OVCH1: variants seen among roughly 807,000 people sequenced by gnomAD.
OVCH1 encodes ovochymase-1.
OVCH1 carries 139 observed loss-of-function variants against 138.4 expected under a neutral mutation model. That is an observed-to-expected ratio of 1.00 (90% confidence interval 0.87 to 1.16). The LOEUF (loss-of-function observed/expected upper bound fraction) is 1.16, where lower values mean the gene tolerates loss of function less well. Among genes scored for constraint, OVCH1 ranks in the 50% most tolerant of loss-of-function variants. OVCH1 has a pLI of 0.00. For missense variants in OVCH1, 1,367 were observed against 1,357.9 expected (o/e 1.01, Z -0.11); for synonymous variants, 453 against 467.8 (o/e 0.97, Z 0.41).
intron 6 of OVCH1, among the ~76,000 whole-genome samples, chr12:29,489,113 T>C (rs1943204125): frequency 3.3e-5 from 5 of 152,226 alleles, no homozygotes; most frequent in Admixed American, 3.3e-4. Flanking sequence ...GGTCTCCTTG[T>C]CCTCTCTAAA....
At chr12:29,487,367 T>C in intron 7 of OVCH1, 1 of 198,460 alleles carries the variant, frequency 5.0e-6, no homozygotes, top group Non-Finnish European at 1.0e-5. Context: ...ATTTTTGGTA[T>C]TCTTAAGTAG....
Position 29,445,271 on chromosome 12 carries a change from A to T in OVCH1, c.2881+7T>A. On this transcript the variant is annotated splice_region_variant and intron_variant, in intron 23 of 27. Coordinates refer to ENST00000318184, the Ensembl canonical transcript of OVCH1. ...CCTTTACAAGTTTATAAAATAACCA[A>T]ACATACCTAGGACTTTCAAGACAAT... The T allele has an allele frequency of 3.1e-6, 5 of 1,603,930 alleles. No individual in the cohort carries two copies. The highest frequency in any genetic ancestry group is 4.3e-6 in the Non-Finnish European group (5 of 1,174,842).
downstream of OVCH1, chr12:29,425,858 T>C (rs1055748717): frequency 2.6e-5 from 4 of 152,188 alleles, no homozygotes; most frequent in Non-Finnish European, 5.9e-5. Flanking sequence ...AAAAGAATTA[T>C]GATCCTTCTG....
chr12:29,461,485 A>G (rs932225095), intron 19 of OVCH1, among the ~76,000 whole-genome samples: 8 of 152,244 alleles, frequency 5.3e-5, no homozygotes, highest in African/African-American at 1.7e-4. Flanking sequence ...CTTTTAAGTC[A>G]TAAGTAGGAC....
intron 8 of OVCH1, among the ~76,000 whole-genome samples, chr12:29,482,659 A>C (rs897848099): frequency 6.6e-6 from 1 of 152,214 alleles, no homozygotes; most frequent in African/African-American, 2.4e-5. Flanking sequence ...TTAACCCACT[A>C]TGAATGTGGC....
the OVCH1 span, among the ~76,000 whole-genome samples, chr12:29,402,832 A>G: frequency 6.6e-6 from 1 of 152,064 alleles, no homozygotes; most frequent in South Asian, 2.1e-4. Context: ...GAAGAGAGAG[A>G]AAAGAGGTTG....
chr12:29,463,206 T>A (rs552214835), intron 18 of OVCH1, among the ~76,000 whole-genome samples: 1 of 152,118 alleles, frequency 6.6e-6, no homozygotes. Context: ...CTGCATAAAA[T>A]CATGCCAACT....
At chr12:29,497,635 G>A in exon 1 of OVCH1, 1 of 1,613,924 alleles carries the variant, frequency 6.2e-7, no homozygotes. Flanking sequence ...AGGCTTCTGG[G>A]GTGGCCGATG....
intron 27 of OVCH1, among the ~76,000 whole-genome samples, chr12:29,429,074 G>A (rs1044064219): frequency 6.6e-6 from 1 of 152,126 alleles, no homozygotes; most frequent in Non-Finnish European, 1.5e-5. Context: ...CCACTCATCG[G>A]TAAAGATTAT....
chr12:29,463,120 G>A (rs1942194993), intron 18 of OVCH1, among the ~76,000 whole-genome samples: 1 of 152,186 alleles, frequency 6.6e-6, no homozygotes, highest in Non-Finnish European at 1.5e-5. Flanking sequence ...TATGCTTCTA[G>A]CCTTGGGGAG....
At chr12:29,434,273 C>G (rs1021315033) in intron 26 of OVCH1, among the ~76,000 whole-genome samples, 2 of 152,094 alleles carry the variant, frequency 1.3e-5, no homozygotes, top group African/African-American at 4.8e-5. Context: ...AAATTTCTGA[C>G]TGTATTGTCG....
chr12:29,415,468 C>A (rs73276822), intron 3 of OVCH1, among the ~76,000 whole-genome samples: 18,209 of 152,164 alleles, frequency 0.12, 1,372 homozygotes, highest in African/African-American at 0.22. Flanking sequence ...TAAAATACCA[C>A]TGCTAGGTTC....
intron 26 of OVCH1, among the ~76,000 whole-genome samples, chr12:29,438,582 AT>A (rs1328472437): frequency 6.6e-6 from 1 of 152,080 alleles, no homozygotes; most frequent in Non-Finnish European, 1.5e-5. Context: ...ATCTATGCAA[AT>A]CTTTGTGTGT....
At chr12:29,457,759 C>G (rs1463916766) in intron 19 of OVCH1, among the ~76,000 whole-genome samples, 4 of 151,896 alleles carry the variant, frequency 2.6e-5, no homozygotes. Context: ...GCCAGACATA[C>G]CGAGTAAGAC....
chr12:29,453,756 A>G (rs1420076526), intron 21 of OVCH1, among the ~76,000 whole-genome samples: 3 of 151,984 alleles, frequency 2.0e-5, no homozygotes, highest in African/African-American at 4.8e-5. Flanking sequence ...ATACTTGGGG[A>G]TACTCCACTT....
At chr12:29,427,422 A>G, downstream of OVCH1, 2 of 1,077,348 alleles carry the variant, frequency 1.9e-6, no homozygotes, top group Non-Finnish European at 2.6e-6. Context: ...CCTAGAAGAA[A>G]AGGTTAAGGA....
chr12:29,445,291 G>T, exon 23 of OVCH1: 1 of 1,610,262 alleles, frequency 6.2e-7, no homozygotes, highest in Non-Finnish European at 8.5e-7. Flanking sequence ...GGACTTTCAA[G>T]ACAATATAGC....
In OVCH1 at chr12:29,479,430, T is replaced by TAA. The variant is rs541151921; in HGVS notation, c.996-524_996-523dup. ...AAAATGTCATCTCTCTAACTCCCAGTAAGGTCAGCTGTGACTTTTTGCTAA... is the reference window on the plus strand; with the variant it reads ...AAAATGTCATCTCTCTAACTCCCAGTAAAAGGTCAGCTGTGACTTTTTGCTAA... On this transcript the variant is annotated intron_variant, in intron 8 of 27. Transcript: ENST00000318184. 1.7e-3 allele frequency among the ~76,000 whole-genome samples: 264 copies of TAA among 152,334 alleles called. 1 individual carries two copies. Among genetic ancestry groups the TAA allele is most frequent in the Middle Eastern group, 6.8e-3 (2 of 294 alleles).
At chr12:29,489,549 T>C (rs1943216147) in intron 6 of OVCH1, 71 bp downstream of exon 6, 2 of 1,455,902 alleles carry the variant, frequency 1.4e-6, no homozygotes, top group Non-Finnish European at 1.8e-6. Flanking sequence ...CATGAGCTTC[T>C]TTTGGGGAAA....
Sources: gnomAD v4.1 joint callset for allele counts (sites outside exome capture counted in the v4.1 genomes callset) on GRCh38, gnomAD v4.1.1 for gene constraint, MANE v1.5 for transcripts, NCBI Gene and HGNC (gene_info 2026-07-23, HGNC 2026-07-21) for gene names.